Variants in NFAM1 observed in about 807,000 individuals in gnomAD.
The protein encoded by NFAM1 is NFAT activating protein with ITAM motif 1, also known as NFAT activation molecule 1.
NFAM1 carries 17 observed loss-of-function variants against 29.0 expected under a neutral mutation model. The ratio of observed to expected loss-of-function variants is 0.59; its 90% CI spans 0.40 to 0.88. NFAM1 has a LOEUF of 0.88. Among genes scored for constraint, NFAM1 ranks in the 40% least tolerant of loss-of-function variants. The probability of loss-of-function intolerance (pLI) is 0.00; values close to 1 mark genes in which losing one functional copy is unlikely to be tolerated. For synonymous variants in NFAM1, 175 were observed against 147.2 expected (o/e 1.19, Z -1.36); for missense variants, 324 against 344.6 (o/e 0.94, Z 0.47).
intron 3 of NFAM1, among the ~76,000 whole-genome samples, chr22:42,407,078 CCT>C (rs1216962337): frequency 7.2e-6 from 1 of 139,314 alleles, no homozygotes; most frequent in African/African-American, 2.8e-5. Flanking sequence ...CCCGGACCTT[CCT>C]CTTTTTTTTT....
At chr22:42,393,905 T>A (rs1239683324) in intron 4 of NFAM1, among the ~76,000 whole-genome samples, 55 of 152,216 alleles carry the variant, frequency 3.6e-4, no homozygotes. Flanking sequence ...ACTTGCTTTA[T>A]GGCTCAGTTT....
In NFAM1 at chr22:42,415,261, C is replaced by T. The variant is rs1365582163; in HGVS notation, c.122-3525G>A. ...CCTGCGAATGTAGCTCACCACCTCC[C>T]CTGCACCTACACCTTCCTTTCTTTC... On this transcript the variant is annotated intron_variant, in intron 1 of 5. Coordinates refer to ENST00000329021, the MANE Select transcript of NFAM1 (RefSeq NM_145912.8). 2.0e-5 allele frequency among the ~76,000 whole-genome samples: 3 copies of T among 152,024 alleles called. No homozygotes were observed. The East Asian group carries it at 5.8e-4, about 29-fold the overall frequency.
At chr22:42,403,133 G>A (rs988712825) in intron 3 of NFAM1, among the ~76,000 whole-genome samples, 3 of 151,012 alleles carry the variant, frequency 2.0e-5, no homozygotes, top group East Asian at 2.0e-4. Flanking sequence ...CACCACGCCC[G>A]GCCCCCTCTG....
intron 1 of NFAM1, 136 bp from the exon 2 acceptor site, chr22:42,411,872 C>G (rs957968951): frequency 3.2e-6 from 2 of 634,302 alleles, no homozygotes; most frequent in Non-Finnish European, 5.7e-6. Flanking sequence ...CCGAGGCAGG[C>G]GGATCACTGG....
chr22:42,406,912 C>T (rs939253259), intron 3 of NFAM1, among the ~76,000 whole-genome samples: 1 of 151,598 alleles, frequency 6.6e-6, no homozygotes, highest in Non-Finnish European at 1.5e-5. Context: ...GTAACTGGGA[C>T]TACAGGCGTG....
intron 4 of NFAM1, among the ~76,000 whole-genome samples, chr22:42,390,848 C>T (rs1038709872): frequency 4.0e-5 from 6 of 150,044 alleles, no homozygotes; most frequent in South Asian, 2.1e-4. Flanking sequence ...AGGGAGCAGC[C>T]GTGGCCAGTG....
Position 42,411,268 on chromosome 22 carries a change from C to A in NFAM1, c.451+139G>T, listed in dbSNP as rs567262842. On this transcript the variant is annotated intron_variant, in intron 2 of 5. Coordinates refer to ENST00000329021, the MANE Select transcript of NFAM1 (RefSeq NM_145912.8). ...CGAATCCCTGACCTCAGGTGATCCA[C>A]CCGCCTCAGCCTCCCAAAGTGCTGG... 6.6e-4 allele frequency: 430 copies of A among 655,882 alleles called. 3 individuals carry two copies. The highest frequency in any genetic ancestry group is 5.4e-3 in the Middle Eastern group (15 of 2,772). 40.6% of individuals were successfully genotyped at this position (655,882 alleles called of 1,614,324 possible).
At chr22:42,427,965 C>T (rs1930676351) in intron 1 of NFAM1, among the ~76,000 whole-genome samples, 1 of 152,202 alleles carries the variant, frequency 6.6e-6, no homozygotes, top group African/African-American at 2.4e-5. Context: ...TCATTCTTGA[C>T]CTGGTGAGAG....
In NFAM1 at chr22:42,419,007, G is replaced by A. The variant is rs945713657; in HGVS notation, c.122-7271C>T. Among the ~76,000 whole-genome samples, 1 of 152,148 alleles carries A rather than the reference G, an allele frequency of 6.6e-6. No individual in the cohort carries two copies. The highest frequency in any genetic ancestry group is 1.5e-5 in the Non-Finnish European group (1 of 68,030). On this transcript the variant is annotated intron_variant, in intron 1 of 5. Transcript: ENST00000329021. This position sits in a 1 kb window ranked among gnomAD's most constrained non-coding sequence, Gnocchi z 4.5. Reference sequence around the variant, plus strand: ...CGGGTGCCTGAGTCCTTCCTTTTCCGGTTCTTCTTATGAATCTGTGGCTGC... The same window carrying A: ...CGGGTGCCTGAGTCCTTCCTTTTCCAGTTCTTCTTATGAATCTGTGGCTGC...
upstream of NFAM1, among the ~76,000 whole-genome samples, chr22:42,435,738 C>T (rs1324811126): frequency 1.3e-5 from 2 of 152,022 alleles, no homozygotes; most frequent in Non-Finnish European, 2.9e-5. Flanking sequence ...CATGGTTTTG[C>T]CCTCAAGGCG....
chr22:42,382,417 A>C lies in NFAM1; in HGVS notation c.*2744T>G, dbSNP rs1928986357. 1 of 152,094 alleles carries C rather than the reference A, an allele frequency of 6.6e-6. No homozygotes were observed. Among genetic ancestry groups the C allele is most frequent in the South Asian group, 2.1e-4 (1 of 4,826 alleles). The allele number at this position is 152,094 out of a possible 1,614,324, so 9.4% of individuals were successfully genotyped here. A position where few individuals can be genotyped will look rare whatever the true frequency, so the allele number is the denominator to read the frequency against. ...GGTGGCCAGTGACTTGCCCAAGTCC[A>C]CAAGGCTGTGGGAGGTGGAGCAGGG... On this transcript the variant is annotated 3_prime_UTR_variant, in exon 6 of 6. Transcript: ENST00000329021.
intron 3 of NFAM1, among the ~76,000 whole-genome samples, chr22:42,402,510 G>T (rs1412124727): frequency 1.3e-5 from 2 of 152,188 alleles, no homozygotes; most frequent in Admixed American, 6.5e-5. Flanking sequence ...GAATTTAGAG[G>T]TCACCAAGAG....
chr22:42,435,627 G>C (rs1278839572), upstream of NFAM1, among the ~76,000 whole-genome samples: 1 of 152,016 alleles, frequency 6.6e-6, no homozygotes, highest in African/African-American at 2.4e-5. Flanking sequence ...GATTATAGGT[G>C]TGAGCCACTT....
intron 3 of NFAM1, among the ~76,000 whole-genome samples, chr22:42,408,719 A>G (rs1252212786): frequency 6.6e-6 from 1 of 152,190 alleles, no homozygotes; most frequent in Admixed American, 6.5e-5. Flanking sequence ...AGGAATCCAT[A>G]GGGCTGGGTG....
chr22:42,425,071 G>A (rs1930580157), intron 1 of NFAM1, among the ~76,000 whole-genome samples: 1 of 152,004 alleles, frequency 6.6e-6, no homozygotes, highest in African/African-American at 2.4e-5. Flanking sequence ...ACAGGTGCAT[G>A]CCACCATGCC....
chr22:42,416,236 C>T lies in NFAM1; in HGVS notation c.122-4500G>A, dbSNP rs5996161. 1.7e-3 allele frequency among the ~76,000 whole-genome samples: 266 copies of T among 152,246 alleles called. 1 individual carries two copies. Among genetic ancestry groups the T allele is most frequent in the African/African-American group, 6.2e-3 (257 of 41,544 alleles). ...CTGTAGTTCCAGCTACTCAGGAAGT[C>T]GAAGCAGGAGGATCGCTTGAGCCCA... is the stretch of plus-strand genomic sequence containing the variant. On this transcript the variant is annotated intron_variant, in intron 1 of 5. Coordinates refer to ENST00000329021, the MANE Select transcript of NFAM1 (RefSeq NM_145912.8).
intron 1 of NFAM1, among the ~76,000 whole-genome samples, chr22:42,425,886 C>A (rs78296137): frequency 0.011 from 1,638 of 150,282 alleles, 31 homozygotes; most frequent in African/African-American, 0.038. Context: ...CCTGTGTGCT[C>A]GGGATCACAG....
At chr22:42,390,359 T>C (rs2147091406) in intron 4 of NFAM1, among the ~76,000 whole-genome samples, 1 of 152,102 alleles carries the variant, frequency 6.6e-6, no homozygotes, top group Non-Finnish European at 1.5e-5. Context: ...GGCTCTAGAT[T>C]GACAATAATC....
intron 3 of NFAM1, among the ~76,000 whole-genome samples, chr22:42,403,988 T>C (rs1929810527): frequency 6.6e-6 from 1 of 152,156 alleles, no homozygotes; most frequent in South Asian, 2.1e-4. Context: ...CCTCTGCTGT[T>C]GAAGGGCCTG....
Sources: gnomAD v4.1 joint callset for allele counts (sites outside exome capture counted in the v4.1 genomes callset) on GRCh38, gnomAD v4.1.1 for gene constraint, Gnocchi (gnomAD v3.1) non-coding constraint, MANE v1.5 for transcripts, NCBI Gene and HGNC (gene_info 2026-07-23, HGNC 2026-07-21) for gene names.